The following WNK1 variants were observed in gnomAD, a reference collection of about 807,000 sequenced individuals.
The protein encoded by WNK1 is WNK lysine deficient protein kinase 1.
Under a neutral mutation model 222.8 loss-of-function variants are expected in WNK1, and 38 were observed. That is an observed-to-expected ratio of 0.17 (90% CI 0.13 to 0.22). The LOEUF (loss-of-function observed/expected upper bound fraction) is 0.22. WNK1 is among the 10% of genes least tolerant of loss of function. The pLI is 1.00. For missense variants in WNK1, 2,348 were observed against 2,918.4 expected (o/e 0.80, Z 4.50); for synonymous variants, 1,090 against 1,092.9 (o/e 1.00, Z 0.05).
chr12:807,098 A>T (rs1276443295), intron 1 of WNK1, among the ~76,000 whole-genome samples: 1 of 151,738 alleles, frequency 6.6e-6, no homozygotes, highest in Non-Finnish European at 1.5e-5. Flanking sequence ...TGAGCTGATA[A>T]GAAGACCCTT....
chr12:813,627 G>T lies in WNK1; in HGVS notation c.760-15G>T. The T allele has an allele frequency of 6.2e-7, 1 of 1,612,122 alleles. No homozygotes were observed. The highest frequency in any genetic ancestry group is 1.1e-5 in the South Asian group (1 of 90,884). On this transcript the variant is annotated splice_polypyrimidine_tract_variant and intron_variant, in intron 1 of 27. Coordinates refer to ENST00000315939, the MANE Select transcript of WNK1 (RefSeq NM_018979.4). ...ATCATTTTAAACCACATTCTGTTTT[G>T]GTTTTTGATTTTAGGATCGAAAATT...
chr12:767,101 G>T (rs1220979277), intron 1 of WNK1, among the ~76,000 whole-genome samples: 1 of 152,016 alleles, frequency 6.6e-6, no homozygotes, highest in Non-Finnish European at 1.5e-5. Flanking sequence ...GATTAAAATA[G>T]TTCATTGTGG....
At chr12:904,521 T>C (rs1419504898) in intron 26 of WNK1, 1 of 1,288,190 alleles carries the variant, frequency 7.8e-7, no homozygotes, top group South Asian at 1.2e-5. Flanking sequence ...TTATTTTTGG[T>C]CCTTGATTGC....
At chr12:781,573 ATAAAT>A (rs752459660) in intron 1 of WNK1, among the ~76,000 whole-genome samples, 69 of 152,302 alleles carry the variant, frequency 4.5e-4, no homozygotes, top group Non-Finnish European at 6.5e-4. Context: ...TCTTCATTAG[ATAAAT>A]TAAATTATAA....
chr12:893,677 G>A (rs1366479582), intron 22 of WNK1, among the ~76,000 whole-genome samples: 1 of 151,692 alleles, frequency 6.6e-6, no homozygotes, highest in African/African-American at 2.4e-5. Flanking sequence ...CAAAAAATTA[G>A]TCGGGTGTGG....
rs1363996532 is a variant in WNK1, at chr12:907,748, AT to A, written c.6644-97del. On this transcript the variant is annotated intron_variant, in intron 26 of 27. Transcript: ENST00000315939. ...TGGCTTCCCAGTTCATCCTCTTCTC[AT>A]TCTGTGGCTTGCCATTCATCATCCC... 9 of 1,389,604 alleles carry A rather than the reference AT, an allele frequency of 6.5e-6. No individual in the cohort carries two copies. In the Middle Eastern group the frequency reaches 7.4e-4, roughly 114 times the overall value. 86.1% of individuals were successfully genotyped at this position (1,389,604 alleles called of 1,614,324 possible).
intron 25 of WNK1, 108 bp from the exon 26 acceptor site, chr12:900,368 C>G: frequency 4.2e-6 from 5 of 1,183,218 alleles, no homozygotes; most frequent in Non-Finnish European, 6.3e-6. Flanking sequence ...TAGCTTTTGA[C>G]CCATCATTCA....
intron 2 of WNK1, among the ~76,000 whole-genome samples, chr12:823,683 C>T (rs1948096168): frequency 6.6e-6 from 1 of 152,150 alleles, no homozygotes. Context: ...CCATTGTTCT[C>T]AGCATTTAGT....
At chr12:906,605 A>T (rs1955722782) in intron 26 of WNK1, 1 of 985,202 alleles carries the variant, frequency 1.0e-6, no homozygotes, top group South Asian at 4.7e-5. Flanking sequence ...TTTCCTCATG[A>T]ATAATCTTGT....
At chr12:803,706 C>T (rs1161759601) in intron 1 of WNK1, among the ~76,000 whole-genome samples, 1 of 151,974 alleles carries the variant, frequency 6.6e-6, no homozygotes, top group Non-Finnish European at 1.5e-5. Context: ...CACTGCACTC[C>T]AGCCTGTGTG....
chr12:758,370 G>GTTTT (rs1441325779), intron 1 of WNK1, among the ~76,000 whole-genome samples: 9 of 69,058 alleles, frequency 1.3e-4, no homozygotes, highest in Non-Finnish European at 1.8e-4. Context: ...CTTTGCTATA[G>GTTTT]TTCTTTTTTT....
At chr12:798,853 T>G (rs185386131) in intron 1 of WNK1, among the ~76,000 whole-genome samples, 1 of 152,326 alleles carries the variant, frequency 6.6e-6, no homozygotes, top group Admixed American at 6.5e-5. Flanking sequence ...GATATTTTTT[T>G]GGTTTTGGAA....
At chr12:905,499 G>A (rs977545851) in intron 26 of WNK1, among the ~76,000 whole-genome samples, 6 of 152,176 alleles carry the variant, frequency 3.9e-5, no homozygotes, top group Non-Finnish European at 7.3e-5. Flanking sequence ...CTGTGGATAA[G>A]CAATGGTCAC....
At chr12:888,682 G>A (rs1049616705) in intron 20 of WNK1, among the ~76,000 whole-genome samples, 1 of 152,218 alleles carries the variant, frequency 6.6e-6, no homozygotes, top group Non-Finnish European at 1.5e-5. Flanking sequence ...ATAATACCCT[G>A]TGATAGTGAC....
intron 1 of WNK1, among the ~76,000 whole-genome samples, chr12:776,700 G>T (rs1943144754): frequency 6.6e-6 from 1 of 152,136 alleles, no homozygotes; most frequent in Admixed American, 6.5e-5. Flanking sequence ...AAAGCGCTGG[G>T]ATTACAGGTG....
Position 753,428 on chromosome 12 carries a change from CTGAG to C in WNK1, c.-133_-130del. ...TGTCCCTCGTTGCGGCTTGTCGGTG[CTGAG>C]TGAGGCGTCGTCCGGGTCGGCGCGA... On this transcript the variant is annotated 5_prime_UTR_variant, in exon 1 of 28. Coordinates refer to ENST00000315939, the MANE Select transcript of WNK1 (RefSeq NM_018979.4). This position sits in a 1 kb window ranked among gnomAD's most constrained non-coding sequence, Gnocchi z 5.2. 1.7e-6 allele frequency: 2 copies of C among 1,150,560 alleles called. No homozygotes were observed. The allele number at this position is 1,150,560 out of a possible 1,614,324, so 71.3% of individuals were successfully genotyped here.
intron 8 of WNK1, among the ~76,000 whole-genome samples, chr12:866,973 A>G (rs1472379851): frequency 1.3e-5 from 2 of 152,052 alleles, no homozygotes; most frequent in East Asian, 3.9e-4. Flanking sequence ...AAATACAAAA[A>G]TTAGCTGGGC....
chr12:855,718 G>A (rs1380123421), intron 4 of WNK1, among the ~76,000 whole-genome samples: 1 of 152,052 alleles, frequency 6.6e-6, no homozygotes, highest in African/African-American at 2.4e-5. Flanking sequence ...TGATCCGTGT[G>A]GTGACTTAGA....
chr12:781,081 G>T (rs959118823), intron 1 of WNK1: 1 of 147,584 alleles, frequency 6.8e-6, no homozygotes, highest in African/African-American at 2.5e-5. Flanking sequence ...GCAATGAGCT[G>T]TTTTTTGTTT....
Sources: allele counts gnomAD v4.1 joint callset (sites outside exome capture counted in the v4.1 genomes callset), GRCh38; gene constraint gnomAD v4.1.1; non-coding constraint Gnocchi (gnomAD v3.1); transcripts MANE v1.5; gene names NCBI Gene and HGNC (gene_info 2026-07-23, HGNC 2026-07-21).